The following PDE4C variants were observed in gnomAD, a reference collection of about 807,000 sequenced individuals.
PDE4C encodes phosphodiesterase 4C, also known as 3',5'-cyclic-AMP phosphodiesterase 4C.
Under a neutral mutation model 63.9 loss-of-function variants are expected in PDE4C, and 50 were observed. The observed-to-expected ratio is 0.78, with a 90% confidence interval of 0.62 to 0.99. The LOEUF is 0.99. Ranked by LOEUF, PDE4C falls within the 50% of genes least tolerant of loss-of-function variation. The pLI is 0.00. For synonymous variants in PDE4C, 377 were observed against 385.1 expected (o/e 0.98, Z 0.25); for missense variants, 777 against 899.1 (o/e 0.86, Z 1.74).
chr19:18,234,111 G>C (rs187277727), upstream of PDE4C: 1 of 153,028 alleles, frequency 6.5e-6, no homozygotes, highest in South Asian at 2.1e-4. Context: ...TGGGCAAAGA[G>C]GGGAAGTCAG....
At chr19:18,231,558 C>T (rs755327200) in intron 1 of PDE4C, among the ~76,000 whole-genome samples, 10 of 152,142 alleles carry the variant, frequency 6.6e-5, no homozygotes, top group Admixed American at 2.6e-4. Context: ...AGGCTGGGGG[C>T]GAGAGGCCAG....
upstream of PDE4C, among the ~76,000 whole-genome samples, chr19:18,227,969 C>A (rs1968776755): frequency 2.6e-5 from 4 of 152,248 alleles, no homozygotes; most frequent in South Asian, 8.3e-4. Context: ...AAACAGAGAG[C>A]CTCAGGTATC....
chr19:18,213,494 G>A lies in PDE4C; in HGVS notation c.1390-4C>T. On this transcript the variant is annotated splice_region_variant and splice_polypyrimidine_tract_variant and intron_variant, in intron 12 of 14. Coordinates refer to ENST00000262805, the Ensembl canonical transcript of PDE4C. ...TGGACATGTCTGTGGCCAGCACCTG[G>A]GGGCAGGCAAGGGAAGGTGACAGGC... The A allele has an allele frequency of 6.2e-7, 1 of 1,610,188 alleles. No individual in the cohort carries two copies. The highest frequency in any genetic ancestry group is 1.3e-5 in the African/African-American group (1 of 74,882).
chr19:18,217,024 G>T (rs893284571), intron 11 of PDE4C, 129 bp from the exon 12 acceptor site: 1 of 1,011,352 alleles, frequency 9.9e-7, no homozygotes, highest in Non-Finnish European at 1.4e-6. Context: ...ATGCCCTCCT[G>T]TAAGAAACCA....
At chr19:18,236,171 C>A (rs1013891407), upstream of PDE4C, among the ~76,000 whole-genome samples, 12 of 152,028 alleles carry the variant, frequency 7.9e-5, no homozygotes, top group African/African-American at 2.9e-4. Flanking sequence ...TCTCGATCTC[C>A]TGACCTCGTG....
chr19:18,238,836 C>T (rs59950906), intron 1 of PDE4C, among the ~76,000 whole-genome samples: 4 of 151,774 alleles, frequency 2.6e-5, no homozygotes, highest in Admixed American at 6.6e-5. Context: ...ACTAAAAATA[C>T]GAAAATTAGC....
chr19:18,213,492 TG>T lies in PDE4C; in HGVS notation c.1390-3del. The T allele has an allele frequency of 6.2e-7, 1 of 1,610,064 alleles. No homozygotes were observed. ...TTTGGACATGTCTGTGGCCAGCACC[TG>T]GGGGCAGGCAAGGGAAGGTGACAGG... On this transcript the variant is annotated splice_region_variant and splice_polypyrimidine_tract_variant and intron_variant, in intron 12 of 14. Coordinates refer to ENST00000262805, the Ensembl canonical transcript of PDE4C.
intron 1 of PDE4C, among the ~76,000 whole-genome samples, chr19:18,222,658 TCTC>T (rs1968540128): frequency 2.9e-4 from 4 of 13,674 alleles, no homozygotes; most frequent in Non-Finnish European, 4.2e-4. Flanking sequence ...TCTCGTTCTT[TCTC>T]TCTCTCTCTC....
At chr19:18,223,926 C>T (rs1373753316) in intron 1 of PDE4C, among the ~76,000 whole-genome samples, 1 of 152,196 alleles carries the variant, frequency 6.6e-6, no homozygotes, top group Non-Finnish European at 1.5e-5. Context: ...CCCCAGCGTT[C>T]CAGGCTCCAC....
At chr19:18,211,040 C>T (rs752399862) in exon 15 of PDE4C, 58 of 1,614,130 alleles carry the variant, frequency 3.6e-5, no homozygotes, top group Non-Finnish European at 4.9e-5. Context: ...CTGTCTCTTC[C>T]CCCTCCTCTT....
chr19:18,240,443 C>A (rs373423899), intron 1 of PDE4C, among the ~76,000 whole-genome samples: 87 of 94,038 alleles, frequency 9.3e-4, no homozygotes, highest in African/African-American at 2.7e-3. Context: ...AAAAAAAAAA[C>A]GGGGCTGGGC....
At chr19:18,211,140 G>A (rs373558260) in exon 15 of PDE4C, 5 of 1,614,178 alleles carry the variant, frequency 3.1e-6, no homozygotes, top group Non-Finnish European at 3.4e-6. Flanking sequence ...GGTGAGGTCT[G>A]AGGGACTTCG....
the PDE4C span, among the ~76,000 whole-genome samples, chr19:18,254,698 T>G: frequency 1.2e-4 from 18 of 152,124 alleles, no homozygotes. Context: ...AGTGACAACA[T>G]AGTGGCAGGT....
At chr19:18,242,626 AC>A (rs1969061765) in intron 1 of PDE4C, among the ~76,000 whole-genome samples, 1 of 67,634 alleles carries the variant, frequency 1.5e-5, no homozygotes. Context: ...TACTAAAAAT[AC>A]AAAAAAAAAT....
At chr19:18,208,570 T>C (rs2147991893), downstream of PDE4C, 1 of 152,166 alleles carries the variant, frequency 6.6e-6, no homozygotes, top group Admixed American at 6.5e-5. Flanking sequence ...TGCTTGACTT[T>C]GAGCTGGCAA....
chr19:18,243,797 G>T (rs2148070517), intron 1 of PDE4C, among the ~76,000 whole-genome samples: 1 of 152,234 alleles, frequency 6.6e-6, no homozygotes, highest in Admixed American at 6.5e-5. Context: ...TAGGGATGGG[G>T]TATAGTGGGG....
chr19:18,210,463 A>G (rs7259012), downstream of PDE4C: 99,825 of 152,724 alleles, frequency 0.65, 33,225 homozygotes, highest in Non-Finnish European at 0.7. Context: ...AGAGGAAGAC[A>G]GGGAGATGCC....
chr19:18,226,204 C>A, intron 1 of PDE4C, 66 bp downstream of exon 1: 2 of 1,352,724 alleles, frequency 1.5e-6, no homozygotes, highest in Non-Finnish European at 2.0e-6. Context: ...TTGTCCCTGT[C>A]CCTGCCCTTC....
At chr19:18,243,277 T>C (rs896096055) in intron 1 of PDE4C, among the ~76,000 whole-genome samples, 3 of 152,034 alleles carry the variant, frequency 2.0e-5, no homozygotes, top group African/African-American at 7.2e-5. Flanking sequence ...GCCCAATTAA[T>C]TGTATTTTTT....
Sources: gnomAD v4.1 joint callset for allele counts (sites outside exome capture counted in the v4.1 genomes callset) on GRCh38, gnomAD v4.1.1 for gene constraint, MANE v1.5 for transcripts, NCBI Gene and HGNC (gene_info 2026-07-23, HGNC 2026-07-21) for gene names.